DARS1: variants seen among roughly 807,000 people sequenced by gnomAD.
The protein encoded by DARS1 is aspartyl-tRNA synthetase 1.
In DARS1, 51 loss-of-function variants were observed where a neutral mutation model predicts 68.8. The ratio of observed to expected loss-of-function variants is 0.74; its 90% CI spans 0.59 to 0.94. DARS1 has a LOEUF of 0.94. Among genes scored for constraint, DARS1 ranks in the 40% least tolerant of loss-of-function variants. The pLI is 0.00. For synonymous variants in DARS1, 203 were observed against 190.4 expected (o/e 1.07, Z -0.55); for missense variants, 607 against 597.3 (o/e 1.02, Z -0.17).
At position 135,907,261 on chromosome 2, in the gene DARS1, T is replaced by TTTTTTTTTTTTTTGG; in HGVS notation, c.*54_*55insCCAAAAAAAAAAAAA. The TTTTTTTTTTTTTTGG allele has an allele frequency of 1.1e-5, 10 of 889,230 alleles. No homozygotes were observed. The highest frequency in any genetic ancestry group is 1.3e-5 in the Non-Finnish European group (8 of 601,868). 55.1% of individuals were successfully genotyped at this position (889,230 alleles called of 1,614,324 possible). ...GGCTTTCTTTTTTTTTTTTTTTTTTTGAGGCAGGGTCTCGCTCTGTCATCC... is the reference window on the plus strand; with the variant it reads ...GGCTTTCTTTTTTTTTTTTTTTTTTTTTTTTTTTTTTTTGGGAGGCAGGGTCTCGCTCTGTCATCC... On this transcript the variant is annotated 3_prime_UTR_variant, in exon 16 of 16. Transcript: ENST00000264161.
At position 135,916,302 on chromosome 2, in the gene DARS1, G is replaced by C. The variant is rs1681004282; in HGVS notation, c.1030C>G (p.Leu344Val). ...AATGCTTCACAATATTCTAGTCTTA[G>C]AGTTGGCTCCAAAAATTTGAATGGC... ...CEPFKFLEPT[L>V]RLEYCEALAM... The change falls in exon 11 of 16, where the codon CTA becomes GTA. Residue 344 changes from leucine (L) to valine (V), a missense_variant. Coordinates refer to ENST00000264161, the MANE Select transcript of DARS1 (RefSeq NM_001349.4). The C allele has an allele frequency of 6.5e-7, 1 of 1,542,616 alleles. No individual in the cohort carries two copies. The highest frequency in any genetic ancestry group is 9.0e-7 in the Non-Finnish European group (1 of 1,114,780).
chr2:135,920,331 G>T (rs904061716), intron 10 of DARS1, 122 bp downstream of exon 10: 2 of 1,391,218 alleles, frequency 1.4e-6, no homozygotes, highest in Non-Finnish European at 1.9e-6. Flanking sequence ...CATCTAACTG[G>T]TAAATCTTTA....
At chr2:135,941,689 C>T (rs1681600638) in intron 5 of DARS1, among the ~76,000 whole-genome samples, 1 of 151,254 alleles carries the variant, frequency 6.6e-6, no homozygotes, top group African/African-American at 2.4e-5. Context: ...AGCTTCTGCA[C>T]AGCAAAAGAA....
chr2:135,967,111 G>C (rs1682253509), intron 3 of DARS1, among the ~76,000 whole-genome samples: 1 of 152,134 alleles, frequency 6.6e-6, no homozygotes, highest in Non-Finnish European at 1.5e-5. Context: ...GCAATCCTAT[G>C]TTTTCATCTC....
intron 4 of DARS1, among the ~76,000 whole-genome samples, chr2:135,952,052 C>T (rs1168241698): frequency 2.0e-5 from 3 of 152,038 alleles, no homozygotes; most frequent in East Asian, 3.9e-4. Context: ...ACCAGGCTGG[C>T]CAACATGATG....
intron 3 of DARS1, among the ~76,000 whole-genome samples, chr2:135,973,085 G>A (rs921349873): frequency 1.3e-5 from 2 of 152,204 alleles, no homozygotes; most frequent in Non-Finnish European, 2.9e-5. Flanking sequence ...ATACCCAAAA[G>A]AAAGGAAATC....
intron 3 of DARS1, among the ~76,000 whole-genome samples, chr2:135,968,423 G>A (rs759339206): frequency 1.3e-5 from 2 of 152,070 alleles, no homozygotes; most frequent in Non-Finnish European, 2.9e-5. Context: ...CTGGAGGCTG[G>A]GAAGTCCAAA....
chr2:135,983,040 T>G lies in DARS1; in HGVS notation c.124+357A>C, dbSNP rs186950813. ...GGGGAAGTAAAAGAGGTAGCTTTAT[T>G]AAAGCATGCAAAAAGGCTACATGTG... On this transcript the variant is annotated intron_variant, in intron 2 of 15. Coordinates refer to ENST00000264161, the MANE Select transcript of DARS1 (RefSeq NM_001349.4). Among the ~76,000 whole-genome samples, 34 of 152,308 alleles carry G rather than the reference T, an allele frequency of 2.2e-4. No individual in the cohort carries two copies. In the East Asian group the frequency reaches 5.2e-3, roughly 23 times the overall value.
chr2:135,985,439 A>C lies in DARS1; in HGVS notation c.30T>G (p.Ser10Arg). 6.2e-7 allele frequency: 1 copy of C among 1,613,546 alleles called. No homozygotes were observed. The highest frequency in any genetic ancestry group is 8.5e-7 in the Non-Finnish European group (1 of 1,179,872). MPSASASRKSQEKPREIMDA... is the reference protein window; with the variant it reads MPSASASRKRQEKPREIMDA... ...CCATGATCTCCCGCGGCTTCTCCTG[A>C]CTCTTGCGGCTGGCGCTGGCGCTGG... Residue 10 changes from serine to arginine, a missense_variant, in exon 1 of 16, where the codon AGT (serine) becomes AGG (arginine). Physicochemically the swap from Ser to Arg is moderately radical, Grantham distance 110 (BLOSUM62 -1). Coordinates refer to ENST00000264161, the MANE Select transcript of DARS1 (RefSeq NM_001349.4).
Position 135,943,489 on chromosome 2 carries a change from A to C in DARS1, c.321-9T>G, listed in dbSNP as rs773265971. The C allele has an allele frequency of 5.0e-6, 8 of 1,609,900 alleles. No homozygotes were observed. On this transcript the variant is annotated splice_polypyrimidine_tract_variant and intron_variant, in intron 4 of 15. Transcript: ENST00000264161. ...TGCTCTCTTTGTTGATGCTGTCAAG[A>C]GAAAAAATTCCCAACTTGAATCATC...
chr2:135,977,861 G>A (rs1025826462), intron 3 of DARS1, among the ~76,000 whole-genome samples: 5 of 151,822 alleles, frequency 3.3e-5, no homozygotes, highest in Non-Finnish European at 7.4e-5. Context: ...ATGCTCTATC[G>A]GCTGGGTGCA....
intron 5 of DARS1, among the ~76,000 whole-genome samples, chr2:135,940,807 C>A (rs895597441): frequency 1.3e-5 from 2 of 152,222 alleles, no homozygotes; most frequent in African/African-American, 4.8e-5. Flanking sequence ...GCAACTTCAG[C>A]AAAGTCTCAG....
intron 2 of DARS1, among the ~76,000 whole-genome samples, chr2:135,981,137 T>C (rs1682621891): frequency 6.6e-6 from 1 of 152,200 alleles, no homozygotes; most frequent in Admixed American, 6.5e-5. Context: ...TTTACATACA[T>C]AGGTTATCTT....
At chr2:135,965,277 T>C (rs955604449) in intron 3 of DARS1, among the ~76,000 whole-genome samples, 9 of 151,872 alleles carry the variant, frequency 5.9e-5, no homozygotes, top group African/African-American at 2.2e-4. Flanking sequence ...AAAGGAACAA[T>C]AACACTGAGA....
At chr2:135,933,715 G>T (rs1236885259) in intron 6 of DARS1, among the ~76,000 whole-genome samples, 195 bp downstream of exon 6, 1 of 151,872 alleles carries the variant, frequency 6.6e-6, no homozygotes, top group African/African-American at 2.4e-5. Flanking sequence ...AAGCTTGTAG[G>T]GTTCTTAATT....
chr2:135,979,206 G>A, intron 3 of DARS1, 68 bp downstream of exon 3: 1 of 799,634 alleles, frequency 1.3e-6, no homozygotes, highest in Non-Finnish European at 2.2e-6. Flanking sequence ...TTTGGTCTGT[G>A]AGGAATATGT....
intron 1 of DARS1, among the ~76,000 whole-genome samples, chr2:135,983,679 A>G (rs1335321928): frequency 6.6e-6 from 1 of 152,196 alleles, no homozygotes; most frequent in Non-Finnish European, 1.5e-5. Flanking sequence ...TTTGAAGATC[A>G]CCACTCCTAG....
At position 135,933,907 on chromosome 2, in the gene DARS1, T is replaced by C; in HGVS notation, c.504+3A>G. On this transcript the variant is annotated splice_donor_region_variant and intron_variant, in intron 6 of 15. Transcript: ENST00000264161. The stretch of plus-strand genomic sequence containing the variant: ...CATAATATTTCATAAGTATAATTTT[T>C]ACCTCTTCTCCTTCTGCCTCAGGCC... 6.2e-7 allele frequency: 1 copy of C among 1,611,976 alleles called. No individual in the cohort carries two copies. Among genetic ancestry groups the C allele is most frequent in the Non-Finnish European group, 8.5e-7 (1 of 1,178,770 alleles).
intron 5 of DARS1, among the ~76,000 whole-genome samples, chr2:135,937,994 T>G (rs1280356982): frequency 6.6e-6 from 1 of 152,202 alleles, no homozygotes; most frequent in African/African-American, 2.4e-5. Flanking sequence ...TCGAGTATCT[T>G]TGTGGCGTTC....
Sources: allele counts gnomAD v4.1 joint callset (sites outside exome capture counted in the v4.1 genomes callset), GRCh38; gene constraint gnomAD v4.1.1; transcripts MANE v1.5; gene names NCBI Gene and HGNC (gene_info 2026-07-23, HGNC 2026-07-21).